The following YES1 variants were observed in gnomAD, a reference collection of about 807,000 sequenced individuals.
The protein encoded by YES1 is YES proto-oncogene 1, Src family tyrosine kinase.
In YES1, 39 loss-of-function variants were observed where a neutral mutation model predicts 70.4. The observed-to-expected ratio is 0.55, with a 90% CI of 0.43 to 0.72. The LOEUF (loss-of-function observed/expected upper bound fraction) is 0.72, where lower values mean the gene tolerates loss of function less well. YES1 is among the 30% of genes least tolerant of loss of function. The pLI, the probability that YES1 is intolerant of heterozygous loss-of-function variation, is 0.00. For synonymous variants in YES1, 198 were observed against 218.6 expected (o/e 0.91, Z 0.83); for missense variants, 495 against 644.8 (o/e 0.77, Z 2.52).
chr18:743,461 AAGGGG>A (rs2080239308), intron 6 of YES1, 46 bp from the exon 7 acceptor site: 1 of 1,508,868 alleles, frequency 6.6e-7, no homozygotes, highest in Admixed American at 1.8e-5. Flanking sequence ...TACAAAAATT[AAGGGG>A]CATATAGTGT....
chr18:727,028 A>T lies in YES1; in HGVS notation c.1424-2396T>A, dbSNP rs111232778. 1.8e-4 allele frequency among the ~76,000 whole-genome samples: 27 copies of T among 152,244 alleles called. 1 individual carries two copies. The highest frequency in any genetic ancestry group is 6.0e-4 in the African/African-American group (25 of 41,572). ...AAATCCTCTTAAAATCGTCAAAGAA[A>T]GACAATGAATGATAAAGTATCTCTT... On this transcript the variant is annotated intron_variant, in intron 11 of 11. Transcript: ENST00000314574.
At chr18:796,656 G>A (rs1906559738) in intron 1 of YES1, among the ~76,000 whole-genome samples, 1 of 152,072 alleles carries the variant, frequency 6.6e-6, no homozygotes, top group Non-Finnish European at 1.5e-5. Context: ...AGTCTCAGTT[G>A]CTGAGGCAGG....
intron 1 of YES1, among the ~76,000 whole-genome samples, chr18:801,846 A>G (rs1347867388): frequency 2.0e-5 from 3 of 152,346 alleles, no homozygotes; most frequent in Non-Finnish European, 4.4e-5. Flanking sequence ...AGTTTAGGAA[A>G]AAAAGAAACT....
intron 1 of YES1, among the ~76,000 whole-genome samples, chr18:790,579 A>T (rs1906194293): frequency 6.6e-6 from 1 of 152,254 alleles, no homozygotes; most frequent in African/African-American, 2.4e-5. Flanking sequence ...GGGAGAGTAC[A>T]CAGTATTAGG....
Position 745,656 on chromosome 18 carries a change from T to C in YES1, c.724+52A>G, listed in dbSNP as rs2080270978. ...AGAAATGAGGATATGGATTTTGTCC[T>C]CATAAACTAGAATATGAAGAAATAA... On this transcript the variant is annotated intron_variant, in intron 6 of 11. Coordinates refer to ENST00000314574, the MANE Select transcript of YES1 (RefSeq NM_005433.4). 5 of 1,521,154 alleles carry C rather than the reference T, an allele frequency of 3.3e-6. 1 individual carries two copies. In the South Asian group the frequency reaches 6.4e-5, roughly 19 times the overall value. The allele number at this position is 1,521,154 out of a possible 1,614,324, so 94.2% of individuals were successfully genotyped here.
intron 1 of YES1, among the ~76,000 whole-genome samples, chr18:801,589 A>T (rs1467892286): frequency 6.6e-6 from 1 of 152,248 alleles, no homozygotes; most frequent in Non-Finnish European, 1.5e-5. Context: ...ACTCACCTAG[A>T]AATAAATGAT....
chr18:777,172 T>C (rs557504482), intron 1 of YES1, among the ~76,000 whole-genome samples: 17 of 152,176 alleles, frequency 1.1e-4, no homozygotes, highest in East Asian at 7.7e-4. Context: ...AAGTACAACA[T>C]AGAAGAACAA....
intron 2 of YES1, among the ~76,000 whole-genome samples, chr18:754,563 C>G (rs984121043): frequency 2.6e-5 from 4 of 151,948 alleles, no homozygotes; most frequent in African/African-American, 9.7e-5. Flanking sequence ...AAAAAATTAG[C>G]CGGGTGCCGT....
At chr18:796,177 A>G (rs1906534725) in intron 1 of YES1, among the ~76,000 whole-genome samples, 2 of 152,176 alleles carry the variant, frequency 1.3e-5, no homozygotes, top group African/African-American at 4.8e-5. Flanking sequence ...AAAACAGGAA[A>G]TTTGTCCTTC....
chr18:751,757 T>C lies in YES1; in HGVS notation c.319A>G (p.Thr107Ala), dbSNP rs368534424. 33 of 1,606,530 alleles carry C rather than the reference T, an allele frequency of 2.1e-5. No individual in the cohort carries two copies. The highest frequency in any genetic ancestry group is 2.7e-5 in the Non-Finnish European group (32 of 1,174,066). ...CCCTTCTTAAATGAAAGGTCTTCTG[T>C]AGTTCTAGCTTCATAATCATATAAG... ...VALYDYEART[T>A]EDLSFKKGER... The change falls in exon 3 of 12, where the codon ACA (threonine) becomes GCA (alanine). Residue 107 changes from threonine to alanine, a missense_variant. This residue lies in a region of YES1 where 385 missense variants were observed against 540.9 expected (regional missense o/e 0.71). Transcript: ENST00000314574.
intron 9 of YES1, chr18:738,982 C>T (rs2080185917): frequency 6.6e-6 from 1 of 152,014 alleles, no homozygotes; most frequent in Non-Finnish European, 1.5e-5. Flanking sequence ...CGCCACCACG[C>T]CTGGCTAATT....
chr18:757,367 G>T (rs565209765), intron 1 of YES1, among the ~76,000 whole-genome samples: 1 of 152,092 alleles, frequency 6.6e-6, no homozygotes, highest in African/African-American at 2.4e-5. Flanking sequence ...GCCGGGCGTG[G>T]TGGTGGGCGC....
chr18:741,718 G>A (rs1485910521), intron 8 of YES1, among the ~76,000 whole-genome samples: 5 of 152,214 alleles, frequency 3.3e-5, no homozygotes, highest in South Asian at 2.1e-4. Context: ...TGAGAGGATC[G>A]CTTGAGCCCA....
rs1473220059 is a variant in YES1, at chr18:722,656, T to A, written c.*1768A>T. 1 of 152,236 alleles carries A rather than the reference T, an allele frequency of 6.6e-6. No homozygotes were observed. Among genetic ancestry groups the A allele is most frequent in the Non-Finnish European group, 1.5e-5 (1 of 68,044 alleles). 9.4% of individuals were successfully genotyped at this position (152,236 alleles called of 1,614,324 possible). A position where few individuals can be genotyped will look rare whatever the true frequency, so the allele number is the denominator to read the frequency against. On this transcript the variant is annotated 3_prime_UTR_variant, in exon 12 of 12. Coordinates refer to ENST00000314574, the MANE Select transcript of YES1 (RefSeq NM_005433.4). ...GAGTTACTCTTAAAAATTAGTCTTA[T>A]TTTGTATGTTTCACTTTTGCACTTT...
At chr18:798,961 T>C (rs985164411) in intron 1 of YES1, among the ~76,000 whole-genome samples, 7 of 152,202 alleles carry the variant, frequency 4.6e-5, no homozygotes, top group Non-Finnish European at 1.0e-4. Flanking sequence ...CTGATCCTAA[T>C]TAAGTTCAAA....
intron 1 of YES1, among the ~76,000 whole-genome samples, chr18:762,277 G>T (rs969862193): frequency 2.0e-5 from 3 of 152,152 alleles, no homozygotes; most frequent in African/African-American, 7.2e-5. Flanking sequence ...CCGAGATTGC[G>T]TCATTGCACT....
At chr18:770,500 G>A (rs2145776430) in intron 1 of YES1, among the ~76,000 whole-genome samples, 1 of 152,114 alleles carries the variant, frequency 6.6e-6, no homozygotes. Flanking sequence ...GACTTCTATG[G>A]ATAGCATTAA....
chr18:769,747 G>T (rs937470857), intron 1 of YES1, among the ~76,000 whole-genome samples: 3 of 152,012 alleles, frequency 2.0e-5, no homozygotes, highest in African/African-American at 7.3e-5. Flanking sequence ...AGTAAACCTT[G>T]GGACCTTTGC....
chr18:732,166 C>T (rs970377238), intron 11 of YES1, among the ~76,000 whole-genome samples: 8 of 126,422 alleles, frequency 6.3e-5, no homozygotes, highest in Middle Eastern at 4.5e-3. Flanking sequence ...ATGATGGGCA[C>T]GGTGGCTCAC....
Sources: allele counts gnomAD v4.1 joint callset (sites outside exome capture counted in the v4.1 genomes callset), GRCh38; gene constraint gnomAD v4.1.1; regional missense constraint gnomAD v4.1.1; transcripts MANE v1.5; gene names NCBI Gene and HGNC (gene_info 2026-07-23, HGNC 2026-07-21).